The following DOCK3 variants were observed in gnomAD, a reference collection of about 807,000 sequenced individuals.
DOCK3 encodes the protein dedicator of cytokinesis protein 3.
DOCK3 carries 60 observed loss-of-function variants against 265.6 expected under a neutral mutation model. That is an observed-to-expected ratio of 0.23 (90% CI 0.18 to 0.28). DOCK3 has a LOEUF of 0.28. Among genes scored for constraint, DOCK3 ranks in the 10% least tolerant of loss-of-function variants. The pLI, the probability that DOCK3 is intolerant of heterozygous loss-of-function variation, is 1.00. For missense variants in DOCK3, 1,981 were observed against 2,594.3 expected (o/e 0.76, Z 5.14); for synonymous variants, 881 against 938.0 (o/e 0.94, Z 1.11).
At chr3:50,892,114 C>T (rs1362857740) in intron 4 of DOCK3, among the ~76,000 whole-genome samples, 1 of 152,058 alleles carries the variant, frequency 6.6e-6, no homozygotes, top group Non-Finnish European at 1.5e-5. Context: ...CAATTGTCTG[C>T]AGGCACTGGA....
At chr3:50,837,617 G>A (rs2219432) in intron 2 of DOCK3, among the ~76,000 whole-genome samples, 15,071 of 152,182 alleles carry the variant, frequency 0.099, 926 homozygotes, top group Non-Finnish European at 0.13. Context: ...TTTAGATGGG[G>A]ACAGAGAGCC....
At chr3:51,005,324 G>A (rs1421295529) in intron 5 of DOCK3, among the ~76,000 whole-genome samples, 3 of 151,890 alleles carry the variant, frequency 2.0e-5, no homozygotes, top group African/African-American at 4.8e-5. Context: ...TCTAACACTG[G>A]TGATGCCCCC....
chr3:51,242,653 G>C lies in DOCK3; in HGVS notation c.2103-4073G>C, dbSNP rs115026226. ...TCCTGCAAGCAGAAGTAGTCACTCA[G>C]GATAGGGGAGGATCTGCTATTCTCT... is the stretch of plus-strand genomic sequence containing the variant. On this transcript the variant is annotated intron_variant, in intron 21 of 52. Transcript: ENST00000266037. Among the ~76,000 whole-genome samples, 411 of 152,114 alleles carry C rather than the reference G, an allele frequency of 2.7e-3. 1 individual carries two copies. Among genetic ancestry groups the C allele is most frequent in the Non-Finnish European group, 4.9e-3 (330 of 67,976 alleles).
intron 5 of DOCK3, among the ~76,000 whole-genome samples, chr3:50,990,006 A>G (rs1206218350): frequency 4.6e-5 from 7 of 152,224 alleles, no homozygotes; most frequent in Non-Finnish European, 1.0e-4. Flanking sequence ...ATTTCACAGT[A>G]CAATCACAAG....
intron 4 of DOCK3, among the ~76,000 whole-genome samples, chr3:50,913,243 GGT>G (rs1200354261): frequency 6.6e-6 from 1 of 152,012 alleles, no homozygotes; most frequent in African/African-American, 2.4e-5. Context: ...TAGTTTAGTA[GGT>G]TAGTAAGGTC....
At chr3:51,128,586 C>T (rs1214082280) in intron 9 of DOCK3, among the ~76,000 whole-genome samples, 3 of 152,180 alleles carry the variant, frequency 2.0e-5, no homozygotes, top group Admixed American at 2.0e-4. Flanking sequence ...AGAATCATTG[C>T]TTGCAGGATA....
chr3:51,206,405 G>C (rs1229801314), intron 12 of DOCK3, among the ~76,000 whole-genome samples: 1 of 152,116 alleles, frequency 6.6e-6, no homozygotes, highest in South Asian at 2.1e-4. Context: ...TGACAAATAG[G>C]TGCCCTAAAA....
rs1553619709 is a variant in DOCK3 at position 51,383,417 on chromosome 3, CT to C, written c.*1859del. ...TTGCAAGCTTCAATCTCTGGACCAT[CT>C]GGTGTTCACAGGTGTTAGAGGGTTA... On this transcript the variant is annotated 3_prime_UTR_variant, in exon 53 of 53. Coordinates refer to ENST00000266037, the MANE Select transcript of DOCK3 (RefSeq NM_004947.5). 1 of 152,530 alleles carries C rather than the reference CT, an allele frequency of 6.6e-6. No individual in the cohort carries two copies. Among genetic ancestry groups the C allele is most frequent in the Non-Finnish European group, 1.5e-5 (1 of 68,070 alleles). 9.4% of individuals were successfully genotyped at this position (152,530 alleles called of 1,614,324 possible). A position where few individuals can be genotyped will look rare whatever the true frequency, so the allele number is the denominator to read the frequency against.
chr3:51,241,351 C>T (rs1018758443), intron 21 of DOCK3, among the ~76,000 whole-genome samples: 7 of 152,276 alleles, frequency 4.6e-5, no homozygotes, highest in Admixed American at 3.3e-4. Flanking sequence ...ATGCCTTTAA[C>T]ATTTTTTCTT....
At chr3:50,789,931 G>A (rs1401843808) in intron 2 of DOCK3, among the ~76,000 whole-genome samples, 3 of 152,102 alleles carry the variant, frequency 2.0e-5, no homozygotes, top group East Asian at 1.9e-4. Flanking sequence ...ATGGGGTTTC[G>A]CCATATTGGC....
At chr3:51,049,753 T>C (rs1235549792) in intron 5 of DOCK3, among the ~76,000 whole-genome samples, 1 of 150,988 alleles carries the variant, frequency 6.6e-6, no homozygotes, top group Non-Finnish European at 1.5e-5. Context: ...TCTCTTGTTT[T>C]CAGAAAACAT....
At chr3:50,742,665 G>A (rs1392586817) in intron 1 of DOCK3, among the ~76,000 whole-genome samples, 7 of 150,278 alleles carry the variant, frequency 4.7e-5, no homozygotes, top group Admixed American at 1.3e-4. Context: ...AAAAAGAAAC[G>A]AACAAAGCCT....
intron 5 of DOCK3, among the ~76,000 whole-genome samples, chr3:51,003,770 A>G (rs2078566430): frequency 6.6e-6 from 1 of 152,226 alleles, no homozygotes; most frequent in Non-Finnish European, 1.5e-5. Context: ...ATTCAGAGAA[A>G]AAGGAAATAA....
chr3:51,273,034 C>T (rs1387207444), intron 24 of DOCK3, among the ~76,000 whole-genome samples: 1 of 151,628 alleles, frequency 6.6e-6, no homozygotes, highest in Non-Finnish European at 1.5e-5. Flanking sequence ...TGGTGGTGGG[C>T]GCCTGTAGTC....
At chr3:51,176,509 C>T (rs2086963514) in intron 12 of DOCK3, among the ~76,000 whole-genome samples, 1 of 152,046 alleles carries the variant, frequency 6.6e-6, no homozygotes, top group Non-Finnish European at 1.5e-5. Flanking sequence ...GCCTGTAGTC[C>T]CAGCTACTGG....
chr3:50,775,450 T>G (rs2041530425), intron 1 of DOCK3, among the ~76,000 whole-genome samples: 1 of 150,224 alleles, frequency 6.7e-6, no homozygotes, highest in Non-Finnish European at 1.5e-5. Context: ...TTTTGATTGC[T>G]GATACTGATA....
intron 30 of DOCK3, 104 bp from the exon 31 acceptor site, chr3:51,312,740 G>A: frequency 7.5e-7 from 1 of 1,331,892 alleles, no homozygotes; most frequent in South Asian, 1.3e-5. Context: ...GCATTGGGAA[G>A]CATTAGAAAC....
Position 51,207,619 on chromosome 3 carries a change from A to G in DOCK3, c.1038-1155A>G, listed in dbSNP as rs576280837. On this transcript the variant is annotated intron_variant, in intron 12 of 52. Coordinates refer to ENST00000266037, the MANE Select transcript of DOCK3 (RefSeq NM_004947.5). ...TGACTGGGTAACAATTAATTAAGCTAGTAACTGACCTCCTTTATCTCTGAG... is the reference window on the plus strand; with the variant it reads ...TGACTGGGTAACAATTAATTAAGCTGGTAACTGACCTCCTTTATCTCTGAG... 3.9e-5 allele frequency among the ~76,000 whole-genome samples: 6 copies of G among 152,296 alleles called. 1 individual carries two copies. In the South Asian group the frequency reaches 1.2e-3, roughly 32 times the overall value.
At chr3:51,190,000 C>T (rs1298552565) in intron 12 of DOCK3, among the ~76,000 whole-genome samples, 1 of 152,204 alleles carries the variant, frequency 6.6e-6, no homozygotes, top group Non-Finnish European at 1.5e-5. Context: ...ATATATCCTT[C>T]TCAGGACGCT....
Sources: allele counts gnomAD v4.1 joint callset (sites outside exome capture counted in the v4.1 genomes callset), GRCh38; gene constraint gnomAD v4.1.1; transcripts MANE v1.5; gene names NCBI Gene and HGNC (gene_info 2026-07-23, HGNC 2026-07-21).